GUCY1B1: variants seen among roughly 807,000 people sequenced by gnomAD.
GUCY1B1 encodes guanylate cyclase soluble subunit beta-1.
A neutral mutation model predicts 71.0 loss-of-function variants in GUCY1B1; 43 were observed. The ratio of observed to expected loss-of-function variants is 0.61; its 90% CI spans 0.47 to 0.78. The LOEUF (loss-of-function observed/expected upper bound fraction) is 0.78. GUCY1B1 is among the 30% of genes least tolerant of loss of function. GUCY1B1 has a pLI of 0.00. For missense variants in GUCY1B1, 535 were observed against 754.1 expected, an observed-to-expected ratio of 0.71 and a Z score of 3.40; for synonymous variants, 266 against 259.7, an observed-to-expected ratio of 1.02 and a Z score of -0.23.
chr4:155,780,354 T>A (rs1157326589), intron 4 of GUCY1B1, among the ~76,000 whole-genome samples: 1 of 152,172 alleles, frequency 6.6e-6, no homozygotes. Context: ...ATAAATTCTA[T>A]TAATTCTGCA....
At chr4:155,760,020 G>A (rs913698440) in intron 2 of GUCY1B1, among the ~76,000 whole-genome samples, 160 bp downstream of exon 2, 6 of 152,094 alleles carry the variant, frequency 3.9e-5, no homozygotes, top group Non-Finnish European at 5.9e-5. Flanking sequence ...GCGCTCCCAC[G>A]CTCCGGGACT....
chr4:155,773,373 C>G (rs1321797225), intron 2 of GUCY1B1, among the ~76,000 whole-genome samples: 2 of 152,142 alleles, frequency 1.3e-5, no homozygotes, highest in Non-Finnish European at 2.9e-5. Context: ...AAAAGTAATT[C>G]AAATCCTATC....
Position 155,805,194 on chromosome 4 carries a change from G to A in GUCY1B1, c.1801G>A (p.Val601Ile). ...GAAGGGCAAAAAAGAACCAATGCAA[G>A]TTTGGTTTCTATCCAGAAAAAATAC... ...SMKGKKEPMQ[V>I]WFLSRKNTGT... The change falls in exon 13 of 14, where the codon GTT becomes ATT. Residue 601 changes from valine to isoleucine, a missense_variant. Physicochemically the swap from Val to Ile is conservative, Grantham distance 29. Coordinates refer to ENST00000264424, the MANE Select transcript of GUCY1B1 (RefSeq NM_000857.5). 6.2e-7 allele frequency: 1 copy of A among 1,611,108 alleles called. No individual in the cohort carries two copies. Among genetic ancestry groups the A allele is most frequent in the East Asian group, 2.2e-5 (1 of 44,788 alleles).
Position 155,804,762 on chromosome 4 carries a change from C to A in GUCY1B1, c.1709+15C>A. On this transcript the variant is annotated intron_variant, in intron 12 of 13. Coordinates refer to ENST00000264424, the MANE Select transcript of GUCY1B1 (RefSeq NM_000857.5). ...TATACATACAGGTGAGAGAAAATGTCTTGGTATTTACTGATTTGCAAAGAA... is the reference window on the plus strand; with the variant it reads ...TATACATACAGGTGAGAGAAAATGTATTGGTATTTACTGATTTGCAAAGAA... 3.1e-6 allele frequency: 5 copies of A among 1,601,908 alleles called. No individual in the cohort carries two copies. Among genetic ancestry groups the A allele is most frequent in the Non-Finnish European group, 4.3e-6 (5 of 1,171,260 alleles).
intron 3 of GUCY1B1, 42 bp from the exon 4 acceptor site, chr4:155,777,482 C>A: frequency 1.0e-6 from 1 of 956,468 alleles, no homozygotes; most frequent in Non-Finnish European, 1.7e-6. Context: ...CAATATTTCA[C>A]CTATTATATG....
intron 4 of GUCY1B1, 55 bp downstream of exon 4, chr4:155,777,697 T>A (rs1397620363): frequency 3.5e-6 from 3 of 857,002 alleles, no homozygotes; most frequent in South Asian, 2.7e-5. Context: ...CTCTCAAATA[T>A]AGACTCTAGA....
chr4:155,768,474 T>G (rs1233960007), intron 2 of GUCY1B1, among the ~76,000 whole-genome samples: 123 of 109,084 alleles, frequency 1.1e-3, no homozygotes, highest in African/African-American at 3.4e-3. Flanking sequence ...TTTTTTTTTT[T>G]GTAGGGAGCT....
chr4:155,768,344 T>C (rs764281236), intron 2 of GUCY1B1, among the ~76,000 whole-genome samples: 1 of 152,110 alleles, frequency 6.6e-6, no homozygotes, highest in Non-Finnish European at 1.5e-5. Flanking sequence ...AAATGTTACC[T>C]GGATATTTTG....
At chr4:155,797,841 A>T (rs901476686) in intron 8 of GUCY1B1, among the ~76,000 whole-genome samples, 4 of 151,468 alleles carry the variant, frequency 2.6e-5, no homozygotes, top group African/African-American at 9.7e-5. Context: ...ATATCAGATA[A>T]TATAAGGATA....
chr4:155,768,516 T>C (rs987034504), intron 2 of GUCY1B1, among the ~76,000 whole-genome samples: 9 of 151,156 alleles, frequency 6.0e-5, no homozygotes, highest in African/African-American at 2.2e-4. Context: ...ATTTCATTAA[T>C]TCATTCACTA....
chr4:155,804,543 T>TC (rs756898899), intron 11 of GUCY1B1, 50 bp from the exon 12 acceptor site: 1 of 1,425,344 alleles, frequency 7.0e-7, no homozygotes, highest in Admixed American at 2.1e-5. Flanking sequence ...AAAAAAAAAA[T>TC]TCATGTGTTA....
intron 5 of GUCY1B1, among the ~76,000 whole-genome samples, chr4:155,790,142 A>G (rs1739059900): frequency 6.6e-6 from 1 of 152,170 alleles, no homozygotes; most frequent in Non-Finnish European, 1.5e-5. Context: ...TATAGTGTTC[A>G]AGGCTACAAG....
chr4:155,774,157 A>G (rs1685057955), intron 2 of GUCY1B1, among the ~76,000 whole-genome samples: 1 of 152,128 alleles, frequency 6.6e-6, no homozygotes, highest in Non-Finnish European at 1.5e-5. Context: ...ACCTCTTTCA[A>G]GTAAATGGCA....
intron 5 of GUCY1B1, among the ~76,000 whole-genome samples, chr4:155,793,438 G>T (rs1165470888): frequency 6.6e-6 from 1 of 152,152 alleles, no homozygotes. Flanking sequence ...ATTTATTTTT[G>T]AATATGAATC....
chr4:155,789,226 A>G (rs532180328), intron 4 of GUCY1B1, among the ~76,000 whole-genome samples: 1 of 152,364 alleles, frequency 6.6e-6, no homozygotes, highest in Non-Finnish European at 1.5e-5. Flanking sequence ...AATAGAAATC[A>G]CAAAATAATA....
intron 3 of GUCY1B1, among the ~76,000 whole-genome samples, chr4:155,776,845 T>C (rs1380966781): frequency 6.6e-6 from 1 of 152,206 alleles, no homozygotes; most frequent in Non-Finnish European, 1.5e-5. Flanking sequence ...TCTTGATGAT[T>C]TTAAAAATCT....
chr4:155,764,836 C>T (rs191700667), intron 2 of GUCY1B1, among the ~76,000 whole-genome samples: 10 of 152,336 alleles, frequency 6.6e-5, no homozygotes, highest in Admixed American at 6.5e-4. Context: ...GCATAGGGCT[C>T]TTCCAGAACC....
In GUCY1B1 at chr4:155,794,272, A is replaced by C. The variant is rs547091967; in HGVS notation, c.726+186A>C. Among the ~76,000 whole-genome samples, 74 of 152,326 alleles carry C rather than the reference A, an allele frequency of 4.9e-4. 1 individual carries two copies. The South Asian group carries it at 0.015, about 30-fold the overall frequency. On this transcript the variant is annotated intron_variant, in intron 6 of 13. Transcript: ENST00000264424. ...TGAGCATACCACAACTTTCCCTAGG[A>C]CAACTATTTTTTTATAATAATCACA...
At position 155,802,131 on chromosome 4, in the gene GUCY1B1, A is replaced by T; in HGVS notation, c.1176-211A>T. The T allele has an allele frequency of 4.3e-6, 5 of 1,149,732 alleles. No individual in the cohort carries two copies. The highest frequency in any genetic ancestry group is 3.6e-6 in the Non-Finnish European group (3 of 839,064). 71.2% of individuals were successfully genotyped at this position (1,149,732 alleles called of 1,614,324 possible). Reference sequence around the variant, plus strand: ...ACTAGTTTGGGCTTGCGGATGTCTTATGTGATTAGGATGAACAAATAATTT... The same window carrying T: ...ACTAGTTTGGGCTTGCGGATGTCTTTTGTGATTAGGATGAACAAATAATTT... On this transcript the variant is annotated intron_variant, in intron 9 of 13. Coordinates refer to ENST00000264424, the MANE Select transcript of GUCY1B1 (RefSeq NM_000857.5). This position sits in a 1 kb window ranked among gnomAD's most constrained non-coding sequence, Gnocchi z 4.3.
Sources: allele counts gnomAD v4.1 joint callset (sites outside exome capture counted in the v4.1 genomes callset), GRCh38; gene constraint gnomAD v4.1.1; non-coding constraint Gnocchi (gnomAD v3.1); transcripts MANE v1.5; gene names NCBI Gene and HGNC (gene_info 2026-07-23, HGNC 2026-07-21).